The following MYRIP variants were observed in gnomAD, a reference collection of about 807,000 sequenced individuals.
MYRIP encodes myosin VIIA and Rab interacting protein, also known as rab effector MyRIP.
MYRIP carries 49 observed loss-of-function variants against 98.0 expected under a neutral mutation model. That is an observed-to-expected ratio of 0.50 (90% confidence interval 0.40 to 0.63). The LOEUF (loss-of-function observed/expected upper bound fraction) is 0.63. Among genes scored for constraint, MYRIP ranks in the 30% least tolerant of loss-of-function variants. The pLI, the probability that MYRIP is intolerant of heterozygous loss-of-function variation, is 0.00. For synonymous variants in MYRIP, 404 were observed against 409.5 expected (o/e 0.99, Z 0.16); for missense variants, 1,004 against 1,058.2 (o/e 0.95, Z 0.71).
At chr3:40,001,194 TGAAAA>T (rs1414657947) in intron 2 of MYRIP, among the ~76,000 whole-genome samples, 14 of 152,138 alleles carry the variant, frequency 9.2e-5, no homozygotes, top group African/African-American at 3.4e-4. Flanking sequence ...TTAGGTGAAA[TGAAAA>T]GAAGAGATAT....
In MYRIP at chr3:40,167,250, C is replaced by T. The variant is rs1016604422; in HGVS notation, c.729+11C>T. On this transcript the variant is annotated intron_variant, in intron 7 of 16. Transcript: ENST00000302541. ...ACAATCCTGCAGAAGGTAGGTGGGTCCTGGCAGTGGGATGGCTGCAGTTTC... is the reference window on the plus strand; with the variant it reads ...ACAATCCTGCAGAAGGTAGGTGGGTTCTGGCAGTGGGATGGCTGCAGTTTC... 6.2e-7 allele frequency: 1 copy of T among 1,613,788 alleles called. No individual in the cohort carries two copies. Among genetic ancestry groups the T allele is most frequent in the Non-Finnish European group, 8.5e-7 (1 of 1,179,766 alleles).
intron 2 of MYRIP, among the ~76,000 whole-genome samples, chr3:39,955,150 AT>A (rs1181395164): frequency 6.6e-6 from 1 of 152,226 alleles, no homozygotes; most frequent in Non-Finnish European, 1.5e-5. Flanking sequence ...ACAGGCCAAC[AT>A]TCAAATTCAG....
rs79082969 is a variant in MYRIP at position 39,963,023 on chromosome 3, C to A, written c.110+62097C>A. On this transcript the variant is annotated intron_variant, in intron 2 of 16. Transcript: ENST00000302541. Reference sequence around the variant, plus strand: ...TAAATAAAATTATGTGCAAATAATTCAGTAAGCTCATGTACGAGAAGGGGC... The same window carrying A: ...TAAATAAAATTATGTGCAAATAATTAAGTAAGCTCATGTACGAGAAGGGGC... 9.4e-4 allele frequency among the ~76,000 whole-genome samples: 143 copies of A among 152,158 alleles called. 2 individuals carry two copies. The East Asian group carries it at 0.025, about 27-fold the overall frequency.
intron 2 of MYRIP, among the ~76,000 whole-genome samples, chr3:39,951,817 T>C (rs922355201): frequency 3.9e-5 from 6 of 152,166 alleles, no homozygotes; most frequent in Non-Finnish European, 8.8e-5. Flanking sequence ...GCTTCTCTCA[T>C]AGACAGGGAA....
intron 8 of MYRIP, among the ~76,000 whole-genome samples, chr3:40,177,469 C>T (rs1416590257): frequency 6.6e-6 from 1 of 152,194 alleles, no homozygotes; most frequent in Non-Finnish European, 1.5e-5. Context: ...TAAGAAATAA[C>T]CATGCAGAAT....
intron 10 of MYRIP, among the ~76,000 whole-genome samples, chr3:40,206,387 TATC>T (rs1484508339): frequency 6.6e-6 from 1 of 152,198 alleles, no homozygotes; most frequent in East Asian, 1.9e-4. Flanking sequence ...ATGCTCATGG[TATC>T]ATCTGGGCAT....
At chr3:39,906,847 T>C (rs1943891572) in intron 2 of MYRIP, among the ~76,000 whole-genome samples, 1 of 152,126 alleles carries the variant, frequency 6.6e-6, no homozygotes, top group Non-Finnish European at 1.5e-5. Context: ...ATGGCAGAAA[T>C]AAAGTCTTGG....
chr3:39,884,814 T>A (rs1290006584), intron 1 of MYRIP, among the ~76,000 whole-genome samples: 4 of 151,350 alleles, frequency 2.6e-5, no homozygotes, highest in African/African-American at 9.7e-5. Flanking sequence ...TTATTATTTT[T>A]TTTTTTTGCA....
intron 1 of MYRIP, among the ~76,000 whole-genome samples, chr3:39,822,680 C>T (rs969893683): frequency 5.3e-5 from 8 of 152,190 alleles, no homozygotes; most frequent in African/African-American, 1.9e-4. Context: ...TAACAATTCT[C>T]TCCCTTTCTC....
intron 10 of MYRIP, among the ~76,000 whole-genome samples, chr3:40,201,645 CT>C (rs924361139): frequency 6.6e-6 from 1 of 151,108 alleles, no homozygotes; most frequent in African/African-American, 2.5e-5. Flanking sequence ...ATGAGAGAAC[CT>C]TGAGAGACTC....
chr3:40,146,671 G>A (rs1950017761), intron 3 of MYRIP, among the ~76,000 whole-genome samples: 2 of 152,052 alleles, frequency 1.3e-5, no homozygotes, highest in Non-Finnish European at 2.9e-5. Flanking sequence ...CTGACCTCTC[G>A]GTCCCTGCCT....
intron 3 of MYRIP, among the ~76,000 whole-genome samples, chr3:40,149,269 G>C (rs1019393279): frequency 6.6e-6 from 1 of 152,142 alleles, no homozygotes; most frequent in African/African-American, 2.4e-5. Context: ...GAGAGGGAAT[G>C]TTGTCACACT....
At chr3:40,230,777 A>C (rs1952629578) in intron 11 of MYRIP, among the ~76,000 whole-genome samples, 1 of 151,754 alleles carries the variant, frequency 6.6e-6, no homozygotes, top group African/African-American at 2.4e-5. Flanking sequence ...ACCAATGAAG[A>C]GATCTTGTCC....
At chr3:40,176,678 T>C (rs1389676457) in intron 8 of MYRIP, among the ~76,000 whole-genome samples, 2 of 151,998 alleles carry the variant, frequency 1.3e-5, no homozygotes, top group Non-Finnish European at 2.9e-5. Context: ...GAGGCCAAGG[T>C]GGGTGGATCA....
chr3:39,989,069 G>A (rs1012648978), intron 2 of MYRIP, among the ~76,000 whole-genome samples: 3 of 151,990 alleles, frequency 2.0e-5, no homozygotes, highest in Non-Finnish European at 2.9e-5. Flanking sequence ...GAGAGGCATT[G>A]TGATCATTTG....
intron 1 of MYRIP, among the ~76,000 whole-genome samples, chr3:39,888,714 A>G (rs1193998501): frequency 2.6e-5 from 4 of 152,190 alleles, no homozygotes; most frequent in Non-Finnish European, 4.4e-5. Flanking sequence ...CTGCACAGCA[A>G]AAGAAACTAC....
At chr3:40,105,736 G>A (rs1949039278) in intron 3 of MYRIP, among the ~76,000 whole-genome samples, 1 of 152,138 alleles carries the variant, frequency 6.6e-6, no homozygotes, top group Non-Finnish European at 1.5e-5. Flanking sequence ...AGGTGAAGGG[G>A]AAGAAAGGAC....
At position 40,258,403 on chromosome 3, in the gene MYRIP, AT is replaced by A; in HGVS notation, c.*238del. 1 of 482,064 alleles carries A rather than the reference AT, an allele frequency of 2.1e-6. No individual in the cohort carries two copies. The highest frequency in any genetic ancestry group is 3.7e-6 in the Non-Finnish European group (1 of 267,344). The allele number at this position is 482,064 out of a possible 1,614,324, so 29.9% of individuals were successfully genotyped here. ...CTCCCAGGGGAATCCAAGACAGAAA[AT>A]GAAGACACTGGCTTCCAACAGCAGC... On this transcript the variant is annotated 3_prime_UTR_variant, in exon 17 of 17. Coordinates refer to ENST00000302541, the MANE Select transcript of MYRIP (RefSeq NM_015460.4).
intron 4 of MYRIP, among the ~76,000 whole-genome samples, chr3:40,155,523 G>A (rs953860772): frequency 1.3e-5 from 2 of 151,978 alleles, no homozygotes; most frequent in African/African-American, 4.8e-5. Flanking sequence ...GGGATGGCTG[G>A]GTCAAATGGT....
Sources: allele counts gnomAD v4.1 joint callset (sites outside exome capture counted in the v4.1 genomes callset), GRCh38; gene constraint gnomAD v4.1.1; transcripts MANE v1.5; gene names NCBI Gene and HGNC (gene_info 2026-07-23, HGNC 2026-07-21).